The following EIF4E3 variants were observed in gnomAD, a reference collection of about 807,000 sequenced individuals.
EIF4E3 encodes the protein eukaryotic translation initiation factor 4E family member 3, also known as eukaryotic translation initiation factor 4E type 3.
A neutral mutation model predicts 31.7 loss-of-function variants in EIF4E3; 26 were observed. The observed-to-expected ratio is 0.82, with a 90% confidence interval of 0.60 to 1.14. The LOEUF (loss-of-function observed/expected upper bound fraction) is 1.14, where lower values mean the gene tolerates loss of function less well. Ranked by LOEUF, EIF4E3 falls within the 50% of genes most tolerant of loss-of-function variation. EIF4E3 has a pLI of 0.00. For synonymous variants in EIF4E3, 128 were observed against 107.7 expected, an observed-to-expected ratio of 1.19 and a Z score of -1.17; for missense variants, 304 against 270.9, an observed-to-expected ratio of 1.12 and a Z score of -0.86.
upstream of EIF4E3, among the ~76,000 whole-genome samples, chr3:71,727,686 T>C (rs1447894): frequency 0.14 from 21,275 of 152,250 alleles, 2,027 homozygotes; most frequent in East Asian, 0.33. Context: ...ATAGCTGATA[T>C]ATAAATAATG....
intron 6 of EIF4E3, among the ~76,000 whole-genome samples, chr3:71,689,713 T>A (rs2049036891): frequency 6.6e-6 from 1 of 152,162 alleles, no homozygotes; most frequent in Non-Finnish European, 1.5e-5. Context: ...AATGTAATTT[T>A]TTTTCTGAGA....
chr3:71,687,299 A>T (rs1449685826), intron 6 of EIF4E3, among the ~76,000 whole-genome samples: 1 of 152,094 alleles, frequency 6.6e-6, no homozygotes, highest in Admixed American at 6.6e-5. Context: ...ACCATGCCTG[A>T]CCTCTGTATC....
intron 1 of EIF4E3, among the ~76,000 whole-genome samples, chr3:71,723,590 T>C (rs998288370): frequency 1.3e-5 from 2 of 152,214 alleles, no homozygotes; most frequent in African/African-American, 4.8e-5. Flanking sequence ...AAAGTGTTGT[T>C]CCTACATGTA....
intron 6 of EIF4E3, among the ~76,000 whole-genome samples, chr3:71,689,219 T>C (rs2049030921): frequency 1.3e-5 from 2 of 152,178 alleles, no homozygotes; most frequent in Admixed American, 1.3e-4. Flanking sequence ...TTCAATGAAA[T>C]ACGGTAGTTA....
At chr3:71,753,994 G>C (rs996227149), upstream of EIF4E3, 88 of 1,067,030 alleles carry the variant, frequency 8.2e-5, no homozygotes, top group African/African-American at 7.0e-4. Flanking sequence ...CGGCCTGCGG[G>C]AGCGGCGAGG....
At chr3:71,662,488 T>C in the EIF4E3 span, among the ~76,000 whole-genome samples, 3 of 152,254 alleles carry the variant, frequency 2.0e-5, no homozygotes, top group South Asian at 2.1e-4. Context: ...GATACACTTA[T>C]ATGCGAAAAG....
chr3:71,695,146 C>A (rs1306200151), intron 4 of EIF4E3, among the ~76,000 whole-genome samples: 5 of 152,146 alleles, frequency 3.3e-5, no homozygotes, highest in Non-Finnish European at 7.4e-5. Context: ...CGTTTTCTAT[C>A]TGTCCAGCTA....
intron 1 of EIF4E3, among the ~76,000 whole-genome samples, chr3:71,740,984 A>G (rs1348834223): frequency 2.6e-5 from 4 of 151,680 alleles, no homozygotes; most frequent in Non-Finnish European, 4.4e-5. Context: ...AAAATGCAAA[A>G]AATTAGCCGG....
chr3:71,688,680 T>TA (rs906924114), intron 6 of EIF4E3, among the ~76,000 whole-genome samples: 5 of 151,054 alleles, frequency 3.3e-5, no homozygotes, highest in Non-Finnish European at 5.9e-5. Flanking sequence ...TCTTGTGAAA[T>TA]AAAAAAAAAG....
At chr3:71,754,308 GGGGCGCCGCC>G, upstream of EIF4E3, 1 of 1,157,654 alleles carries the variant, frequency 8.6e-7, no homozygotes, top group Non-Finnish European at 1.1e-6. The surrounding 1 kb of genome is among the most constrained non-coding windows in gnomAD (Gnocchi z 5.8). Flanking sequence ...GGCCGCGGCG[GGGGCGCCGCC>G]GGGCGCGCTG....
chr3:71,725,219 TG>T lies in EIF4E3; in HGVS notation c.148del (p.His50ThrfsTer24). ...GTCGAGCCAGAAGGTCCAGGACGAG[TG>T]CAGCGGGACCCCGCCCGGCTCAGGC... ...LQPEPGGVPLHSSWTFWLDRS... is the reference protein window; with the variant it reads ...LQPEPGGVPLXSSWTFWLDRS... On this transcript the variant is annotated frameshift_variant, in exon 1 of 7. Coordinates refer to ENST00000425534, the MANE Select transcript of EIF4E3 (RefSeq NM_001134651.2). LOFTEE classifies it high-confidence loss of function. This position sits in a 1 kb window ranked among gnomAD's most constrained non-coding sequence, Gnocchi z 6.1. 1 of 1,138,936 alleles carries T rather than the reference TG, an allele frequency of 8.8e-7. No individual in the cohort carries two copies. 70.6% of individuals were successfully genotyped at this position (1,138,936 alleles called of 1,614,324 possible).
Position 71,693,902 on chromosome 3 carries a change from C to A in EIF4E3, c.445G>T (p.Glu149Ter), listed in dbSNP as rs906175812. The change falls in exon 5 of 7, where the codon GAA becomes TAA. Residue 149 changes from glutamate to a stop codon, truncating the protein, a stop_gained. Coordinates refer to ENST00000425534, the MANE Select transcript of EIF4E3 (RefSeq NM_001134651.2). LOFTEE classifies it high-confidence loss of function. Reference sequence around the variant, plus strand: ...GCTGCGGCACAGTCTGTGAACTGTTCCCCGATGGTTGCTAACAGCAACTCT... The same window carrying A: ...GCTGCGGCACAGTCTGTGAACTGTTACCCGATGGTTGCTAACAGCAACTCT... ...WKELLLATIG[E>*]QFTDCAAADD... 2 of 1,585,234 alleles carry A rather than the reference C, an allele frequency of 1.3e-6. No homozygotes were observed. Among genetic ancestry groups the A allele is most frequent in the Admixed American group, 1.8e-5 (1 of 56,360 alleles).
At chr3:71,693,641 T>G (rs1270449390) in intron 5 of EIF4E3, among the ~76,000 whole-genome samples, 1 of 152,190 alleles carries the variant, frequency 6.6e-6, no homozygotes, top group African/African-American at 2.4e-5. Flanking sequence ...TACATGAATA[T>G]ATACATACAT....
intron 4 of EIF4E3, among the ~76,000 whole-genome samples, chr3:71,694,232 C>A (rs1375744361): frequency 3.3e-5 from 5 of 152,228 alleles, no homozygotes; most frequent in Non-Finnish European, 5.9e-5. Flanking sequence ...AGGGAAAATG[C>A]ATTCAAATGA....
chr3:71,695,136 C>G (rs184228239), intron 4 of EIF4E3, among the ~76,000 whole-genome samples: 3 of 152,228 alleles, frequency 2.0e-5, no homozygotes, highest in African/African-American at 7.2e-5. Flanking sequence ...TCATTGCTTC[C>G]GTTTTCTATC....
chr3:71,696,005 A>G (rs888784170), intron 4 of EIF4E3, among the ~76,000 whole-genome samples: 1 of 152,220 alleles, frequency 6.6e-6, no homozygotes, highest in East Asian at 1.9e-4. Context: ...GAAACCCCAA[A>G]GGATAGTGAA....
At chr3:71,691,871 A>G (rs1301814020) in intron 5 of EIF4E3, among the ~76,000 whole-genome samples, 1 of 152,236 alleles carries the variant, frequency 6.6e-6, no homozygotes, top group South Asian at 2.1e-4. Flanking sequence ...GAAAATAAAA[A>G]TCATCAAATA....
At chr3:71,709,212 T>C (rs772031873) in intron 2 of EIF4E3, among the ~76,000 whole-genome samples, 13 of 152,158 alleles carry the variant, frequency 8.5e-5, no homozygotes, top group Admixed American at 2.6e-4. Flanking sequence ...AGGAAAGCTA[T>C]TTAAAATCTC....
downstream of EIF4E3, among the ~76,000 whole-genome samples, chr3:71,673,243 A>G (rs2048855788): frequency 6.6e-6 from 1 of 152,220 alleles, no homozygotes; most frequent in South Asian, 2.1e-4. Flanking sequence ...GGGCTTTTAA[A>G]AATTACAGAG....
Sources: allele counts gnomAD v4.1 joint callset (sites outside exome capture counted in the v4.1 genomes callset), GRCh38; gene constraint gnomAD v4.1.1; non-coding constraint Gnocchi (gnomAD v3.1); transcripts MANE v1.5; gene names NCBI Gene and HGNC (gene_info 2026-07-23, HGNC 2026-07-21).